SACS: variants seen among roughly 807,000 people sequenced by gnomAD.
SACS encodes sacsin.
SACS carries 197 observed loss-of-function variants against 348.0 expected under a neutral mutation model. The observed-to-expected ratio is 0.57, with a 90% CI of 0.50 to 0.64. SACS has a LOEUF of 0.64. SACS is among the 30% of genes least tolerant of loss of function. The pLI is 0.00. For missense variants in SACS, 4,999 were observed against 5,360.8 expected (o/e 0.93, Z 2.11); for synonymous variants, 1,985 against 1,910.6 (o/e 1.04, Z -1.02).
At chr13:23,393,981 G>C (rs1392740659) in intron 2 of SACS, among the ~76,000 whole-genome samples, 2 of 152,130 alleles carry the variant, frequency 1.3e-5, no homozygotes, top group Admixed American at 1.3e-4. Context: ...AGGATAGTCT[G>C]GATCTCCTGA....
rs1868731646 is a variant in SACS at position 23,337,380 on chromosome 13, GTTCTAGCAT to G, written c.6487_6495del (p.Met2163_Glu2165del). The G allele has an allele frequency of 6.2e-7, 1 of 1,613,574 alleles. No homozygotes were observed. The highest frequency in any genetic ancestry group is 1.1e-5 in the South Asian group (1 of 91,004). On this transcript the variant is annotated inframe_deletion, in exon 10 of 10. Coordinates refer to ENST00000382292, the MANE Select transcript of SACS (RefSeq NM_014363.6). ...TTAATTTCAGCTACTGACACTGCACGTTCTAGCATATCATCCCATAAAATATCATCTTTT... is the reference window on the plus strand; with the variant it reads ...TTAATTTCAGCTACTGACACTGCACGATCATCCCATAAAATATCATCTTTT...
At position 23,334,209 on chromosome 13, in the gene SACS, G is replaced by A. The variant is rs767665522; in HGVS notation, c.9667C>T (p.Pro3223Ser). Residue 3223 changes from proline to serine, a missense_variant, in exon 10 of 10, where the codon CCT (proline) becomes TCT (serine). Physicochemically the swap from Pro to Ser is moderately conservative, Grantham distance 74. Transcript: ENST00000382292. ...SFADLLSSVL[P>S]REYKTKSCTK... ...CAACTTTTGGTCTTATATTCTCGAG[G>A]CAACACAGAGGATAACAAATCAGCA... is the stretch of plus-strand genomic sequence containing the variant. 1.9e-6 allele frequency: 3 copies of A among 1,613,662 alleles called. No homozygotes were observed. Among genetic ancestry groups the A allele is most frequent in the Admixed American group, 1.7e-5 (1 of 59,916 alleles).
chr13:23,339,182 T>C lies in SACS; in HGVS notation c.4694A>G (p.His1565Arg), dbSNP rs1566068619. The change falls in exon 10 of 10, where the codon CAT becomes CGT. Residue 1565 changes from histidine (H) to arginine (R), a missense_variant. This residue lies in a region of SACS where 3,156 missense variants were observed against 3,380.1 expected (regional missense o/e 0.93). Transcript: ENST00000382292. Reference sequence around the variant, plus strand: ...CATAATGATGGGAATGTCAGTGATATGGTACACAGAATTAAATCCAAGACC... The same window carrying C: ...CATAATGATGGGAATGTCAGTGATACGGTACACAGAATTAAATCCAAGACC... ...KFGLGFNSVYHITDIPIIMSR... is the reference protein window; with the variant it reads ...KFGLGFNSVYRITDIPIIMSR... 4 of 1,613,222 alleles carry C rather than the reference T, an allele frequency of 2.5e-6. No individual in the cohort carries two copies. The highest frequency in any genetic ancestry group is 1.1e-5 in the South Asian group (1 of 90,830).
Position 23,343,643 on chromosome 13 carries a change from C to T in SACS, c.2186-1953G>A, listed in dbSNP as rs796574144. ...AGGTTGCAGTGAGCCGAGATTGCGC[C>T]ACTGCACTCCAGCCTGGGCGACAGA... is the stretch of plus-strand genomic sequence containing the variant. On this transcript the variant is annotated intron_variant, in intron 9 of 9. Coordinates refer to ENST00000382292, the MANE Select transcript of SACS (RefSeq NM_014363.6). 1.5e-4 allele frequency among the ~76,000 whole-genome samples: 23 copies of T among 152,284 alleles called. No homozygotes were observed. The East Asian group carries it at 4.1e-3, about 27-fold the overall frequency.
rs140180561 is a variant in SACS at position 23,332,885 on chromosome 13, A to G, written c.10991T>C (p.Ile3664Thr). The change falls in exon 10 of 10, where the codon ATT becomes ACT. Residue 3664 changes from isoleucine (I) to threonine (T), a missense_variant. Coordinates refer to ENST00000382292, the MANE Select transcript of SACS (RefSeq NM_014363.6). The part of the protein sequence containing the change: ...LCPERAPAEF[I>T]RFHPQYQEVN... Reference sequence around the variant, plus strand: ...CTCTTGATATTGAGGATGAAATCTAATGAATTCCGCGGGGGCCCGCTCAGG... The same window carrying G: ...CTCTTGATATTGAGGATGAAATCTAGTGAATTCCGCGGGGGCCCGCTCAGG... 6.2e-6 allele frequency: 10 copies of G among 1,613,946 alleles called. No individual in the cohort carries two copies. The Admixed American group carries it at 1.7e-4, about 27-fold the overall frequency.
At position 23,341,306 on chromosome 13, in the gene SACS, G is replaced by A; in HGVS notation, c.2570C>T (p.Ala857Val). 6.2e-7 allele frequency: 1 copy of A among 1,607,692 alleles called. No homozygotes were observed. The highest frequency in any genetic ancestry group is 8.5e-7 in the Non-Finnish European group (1 of 1,176,344). ...LGGFVLKKLD[A>V]SIQHPLIKKY... Reference sequence around the variant, plus strand: ...TTTAATAAGCGGATGTTGTATAGATGCATCTAATTTTTTAAGGACAAACCC... The same window carrying A: ...TTTAATAAGCGGATGTTGTATAGATACATCTAATTTTTTAAGGACAAACCC... The change falls in exon 10 of 10, where the codon GCA (alanine) becomes GTA (valine). Residue 857 changes from alanine (A) to valine (V), a missense_variant. Ala to Val is a moderately conservative substitution (Grantham distance 64). Around this residue, in one of 6 missense-constraint regions of SACS, gnomAD observed 3,156 missense variants for 3,380.1 expected, o/e 0.93. Coordinates refer to ENST00000382292, the MANE Select transcript of SACS (RefSeq NM_014363.6).
At chr13:23,417,017 T>C (rs1225392128) in intron 1 of SACS, among the ~76,000 whole-genome samples, 2 of 152,112 alleles carry the variant, frequency 1.3e-5, no homozygotes, top group African/African-American at 4.8e-5. Context: ...TTTTCAAGAT[T>C]ACTGATATAA....
At position 23,336,176 on chromosome 13, in the gene SACS, G is replaced by T. The variant is rs747987719; in HGVS notation, c.7700C>A (p.Pro2567His). The T allele has an allele frequency of 1.2e-6, 2 of 1,614,010 alleles. No homozygotes were observed. Among genetic ancestry groups the T allele is most frequent in the South Asian group, 2.2e-5 (2 of 91,072 alleles). Reference protein sequence around the residue: ...KATEICFVFDPRQHPVDRIFD... With the variant: ...KATEICFVFDHRQHPVDRIFD... ...TATTCTATCAACTGGATGCTGTCTAGGATCAAACACAAAACAGATTTCTGT... is the reference window on the plus strand; with the variant it reads ...TATTCTATCAACTGGATGCTGTCTATGATCAAACACAAAACAGATTTCTGT... Residue 2567 changes from proline (P) to histidine (H), a missense_variant, in exon 10 of 10, where the codon CCT (proline) becomes CAT (histidine). By Grantham distance (77) the Pro-to-His change is moderately conservative. This residue lies in a region of SACS where 3,156 missense variants were observed against 3,380.1 expected (regional missense o/e 0.93). Transcript: ENST00000382292.
At chr13:23,427,108 A>G (rs564557668) in intron 1 of SACS, 1 of 152,182 alleles carries the variant, frequency 6.6e-6, no homozygotes, top group Non-Finnish European at 1.5e-5. Flanking sequence ...AAACAGGGCC[A>G]GCTTGCCTTA....
chr13:23,386,722 C>T (rs1274425402), intron 2 of SACS, among the ~76,000 whole-genome samples: 6 of 152,228 alleles, frequency 3.9e-5, no homozygotes, highest in African/African-American at 1.4e-4. Flanking sequence ...GCCTTCCTCA[C>T]TAAGCTTAGT....
At chr13:23,417,036 G>A (rs1873717454) in intron 1 of SACS, among the ~76,000 whole-genome samples, 2 of 152,034 alleles carry the variant, frequency 1.3e-5, no homozygotes, top group Admixed American at 1.3e-4. Context: ...AAGTTAAATT[G>A]CATTTCTACA....
chr13:23,386,588 T>A (rs983428399), intron 2 of SACS, among the ~76,000 whole-genome samples: 7 of 152,214 alleles, frequency 4.6e-5, no homozygotes, highest in Non-Finnish European at 8.8e-5. Flanking sequence ...CTGTTTTGCT[T>A]TCTTATAGTT....
At position 23,335,708 on chromosome 13, in the gene SACS, A is replaced by T. The variant is rs1408043282; in HGVS notation, c.8168T>A (p.Val2723Asp). 6.2e-7 allele frequency: 1 copy of T among 1,614,018 alleles called. No homozygotes were observed. The highest frequency in any genetic ancestry group is 1.1e-5 in the South Asian group (1 of 91,084). Residue 2723 changes from valine (V) to aspartate (D), a missense_variant, in exon 10 of 10, where the codon GTC becomes GAC. Transcript: ENST00000382292. The surrounding 1 kb of genome is among the most constrained non-coding windows in gnomAD (Gnocchi z 4.7). ...ISSVPASDRM[V>D]QNLLDKLRSD... is the part of the protein sequence containing the mutation. ...GCGCAGTTTGTCCAAAAGATTCTGG[A>T]CCATTCTGTCTGATGCTGGAACAGA...
rs774906736 is a variant in SACS at position 23,332,169 on chromosome 13, G to A, written c.11707C>T (p.Arg3903Ter). Residue 3903 changes from arginine to a stop codon, truncating the protein, a stop_gained, in exon 10 of 10, where the codon CGA becomes TGA. Coordinates refer to ENST00000382292, the MANE Select transcript of SACS (RefSeq NM_014363.6). LOFTEE classifies it high-confidence loss of function. Reference protein sequence around the residue: ...VKVRSDLENVRDLALYLPSQD... With the variant: ...VKVRSDLENV ...CTTGGGAGGTAAAGCGCAAGGTCTC[G>A]TACATTCTCGAGATCACTCCTCACC... is the stretch of plus-strand genomic sequence containing the variant. 4.3e-6 allele frequency: 7 copies of A among 1,613,824 alleles called. No individual in the cohort carries two copies. Among genetic ancestry groups the A allele is most frequent in the Non-Finnish European group, 4.2e-6 (5 of 1,179,948 alleles).
In SACS at chr13:23,365,288, A is replaced by T; in HGVS notation, c.346-11T>A. 1 of 1,457,710 alleles carries T rather than the reference A, an allele frequency of 6.9e-7. No homozygotes were observed. The highest frequency in any genetic ancestry group is 9.5e-7 in the Non-Finnish European group (1 of 1,051,546). The allele number at this position is 1,457,710 out of a possible 1,614,324, so 90.3% of individuals were successfully genotyped here. The stretch of plus-strand genomic sequence containing the variant: ...ATTCTGAATTAATTCCTAACCAAAA[A>T]ATATACCAAAAAATAGTAATTAATA... On this transcript the variant is annotated splice_polypyrimidine_tract_variant and intron_variant, in intron 5 of 9. Coordinates refer to ENST00000382292, the MANE Select transcript of SACS (RefSeq NM_014363.6).
At chr13:23,362,229 G>A (rs1870781401) in intron 6 of SACS, among the ~76,000 whole-genome samples, 1 of 152,142 alleles carries the variant, frequency 6.6e-6, no homozygotes, top group African/African-American at 2.4e-5. Flanking sequence ...AGCACAGAGG[G>A]ACTCTCCGTG....
rs1306819945 is a variant in SACS, at chr13:23,335,386, C to G, written c.8490G>C (p.Glu2830Asp). 2.5e-6 allele frequency: 4 copies of G among 1,613,794 alleles called. No individual in the cohort carries two copies. In the Admixed American group the frequency reaches 6.7e-5, roughly 27 times the overall value. Residue 2830 changes from glutamate to aspartate, a missense_variant, in exon 10 of 10, where the codon GAG becomes GAC. Physicochemically the swap from Glu to Asp is conservative, Grantham distance 45. Coordinates refer to ENST00000382292, the MANE Select transcript of SACS (RefSeq NM_014363.6). This position sits in a 1 kb window ranked among gnomAD's most constrained non-coding sequence, Gnocchi z 4.7. ...ICNRSGFSSM[E>D]KVSKSVISAH... ...CTGATATGACACTTTTAGATACTTT[C>G]TCCATACTTGAAAAGCCTGATCTAT...
In SACS at chr13:23,375,259, C is replaced by G; in HGVS notation, c.31G>C (p.Val11Leu). 6.8e-7 allele frequency: 1 copy of G among 1,473,076 alleles called. No individual in the cohort carries two copies. Among genetic ancestry groups the G allele is most frequent in the Non-Finnish European group, 9.0e-7 (1 of 1,108,606 alleles). 91.3% of individuals were successfully genotyped at this position (1,473,076 alleles called of 1,614,324 possible). A position where few individuals can be genotyped will look rare whatever the true frequency, so the allele number is the denominator to read the frequency against. ...CCCACGCAGCCGGGGAGCACGGTCA[C>G]CGGGACCCACCTGTGGAAAGCAGAG... METKENRWVP[V>L]TVLPGCVGCR... is the part of the protein sequence containing the mutation. Residue 11 changes from valine (V) to leucine (L), a missense_variant, in exon 3 of 10, where the codon GTG becomes CTG. Physicochemically the swap from Val to Leu is conservative, Grantham distance 32. Coordinates refer to ENST00000382292, the MANE Select transcript of SACS (RefSeq NM_014363.6).
At chr13:23,413,178 A>G (rs1354879039) in intron 1 of SACS, among the ~76,000 whole-genome samples, 1 of 152,088 alleles carries the variant, frequency 6.6e-6, no homozygotes, top group Non-Finnish European at 1.5e-5. Flanking sequence ...GGATTTCTCC[A>G]CATTGGTCAG....
Sources: gnomAD v4.1 joint callset for allele counts (sites outside exome capture counted in the v4.1 genomes callset) on GRCh38, gnomAD v4.1.1 for gene constraint, gnomAD v4.1.1 regional missense constraint, Gnocchi (gnomAD v3.1) non-coding constraint, MANE v1.5 for transcripts, NCBI Gene and HGNC (gene_info 2026-07-23, HGNC 2026-07-21) for gene names.